The following GNG4 variants were observed in gnomAD, a reference collection of about 807,000 sequenced individuals.
GNG4 encodes the protein guanine nucleotide-binding protein G(I)/G(S)/G(O) subunit gamma-4.
A neutral mutation model predicts 5.8 loss-of-function variants in GNG4; 4 were observed. That is an observed-to-expected ratio of 0.69 (90% confidence interval 0.34 to 1.57). The LOEUF (loss-of-function observed/expected upper bound fraction) is 1.57, where lower values mean the gene tolerates loss of function less well. Ranked by LOEUF, GNG4 falls within the 40% of genes most tolerant of loss-of-function variation. The pLI, the probability that GNG4 is intolerant of heterozygous loss-of-function variation, is 0.06. For missense variants in GNG4, 96 were observed against 95.1 expected (o/e 1.01, Z -0.04); for synonymous variants, 29 against 32.9 (o/e 0.88, Z 0.41).
At chr1:235,612,815 G>C (rs1449717348) in intron 1 of GNG4, among the ~76,000 whole-genome samples, 1 of 152,158 alleles carries the variant, frequency 6.6e-6, no homozygotes, top group Admixed American at 6.5e-5. Flanking sequence ...GAGCCATCAT[G>C]CCCGTCCTGG....
At chr1:235,621,273 TTC>T (rs1389746006) in intron 1 of GNG4, among the ~76,000 whole-genome samples, 1 of 141,944 alleles carries the variant, frequency 7.0e-6, no homozygotes, top group East Asian at 1.9e-4. Context: ...TTTCCTTTTT[TTC>T]TTTTTCTTTT....
intron 1 of GNG4, chr1:235,615,892 C>T (rs1339208583): frequency 3.5e-6 from 1 of 283,678 alleles, no homozygotes; most frequent in African/African-American, 2.3e-5. Flanking sequence ...TCTGCAGGCT[C>T]CCCAGAGTGC....
At chr1:235,569,997 T>C (rs187595618) in intron 3 of GNG4, among the ~76,000 whole-genome samples, 1 of 152,304 alleles carries the variant, frequency 6.6e-6, no homozygotes, top group Non-Finnish European at 1.5e-5. Flanking sequence ...TGTATTTGTG[T>C]CTGTGTCGAT....
intron 1 of GNG4, among the ~76,000 whole-genome samples, chr1:235,599,284 C>T (rs1017065396): frequency 1.3e-5 from 2 of 151,008 alleles, no homozygotes; most frequent in African/African-American, 2.4e-5. Context: ...GTCAAATCTG[C>T]GGGTTTTTTT....
chr1:235,552,328 C>G, intron 3 of GNG4, 91 bp from the exon 4 acceptor site: 1 of 1,174,712 alleles, frequency 8.5e-7, no homozygotes. Context: ...GGGGACAAGC[C>G]CTAGGGTAGG....
chr1:235,560,460 C>T (rs989828707), intron 3 of GNG4, among the ~76,000 whole-genome samples: 1 of 152,150 alleles, frequency 6.6e-6, no homozygotes, highest in Non-Finnish European at 1.5e-5. Context: ...CCAGAGGTAG[C>T]CCTTTCCCAG....
chr1:235,645,858 T>C (rs1657496396), intron 1 of GNG4, among the ~76,000 whole-genome samples: 1 of 151,852 alleles, frequency 6.6e-6, no homozygotes, highest in South Asian at 2.1e-4. Flanking sequence ...TTTTCCTTCT[T>C]CCTATTTTAT....
At chr1:235,613,493 G>A (rs184924461) in intron 1 of GNG4, among the ~76,000 whole-genome samples, 1 of 152,264 alleles carries the variant, frequency 6.6e-6, no homozygotes, top group Admixed American at 6.5e-5. Flanking sequence ...CAATCACAAG[G>A]GGCCTTGTAA....
At chr1:235,593,810 C>G (rs949761157) in intron 2 of GNG4, among the ~76,000 whole-genome samples, 3 of 152,010 alleles carry the variant, frequency 2.0e-5, no homozygotes, top group Non-Finnish European at 2.9e-5. Context: ...GGAGTGAAGC[C>G]GCAGACCTTC....
intron 1 of GNG4, among the ~76,000 whole-genome samples, chr1:235,630,486 G>A (rs1216433922): frequency 1.3e-5 from 2 of 152,192 alleles, no homozygotes; most frequent in Admixed American, 6.5e-5. Flanking sequence ...AGCAACAGCC[G>A]GGTGTTTTGT....
chr1:235,635,979 C>T (rs976713276), intron 1 of GNG4, among the ~76,000 whole-genome samples: 40 of 152,196 alleles, frequency 2.6e-4, no homozygotes, highest in Non-Finnish European at 2.9e-4. Context: ...CTGAAGGTAA[C>T]TTAACCTCCT....
chr1:235,587,224 AGT>A (rs1180800150), intron 2 of GNG4, among the ~76,000 whole-genome samples: 1 of 47,216 alleles, frequency 2.1e-5, no homozygotes, highest in East Asian at 1.4e-3. Flanking sequence ...GGTGTGGGTG[AGT>A]GTGAGTGTGT....
chr1:235,580,028 G>T (rs1417256309), intron 3 of GNG4, among the ~76,000 whole-genome samples: 1 of 152,162 alleles, frequency 6.6e-6, no homozygotes, highest in Non-Finnish European at 1.5e-5. Context: ...TCCATCAATG[G>T]ATGAATGGAT....
In GNG4 at chr1:235,597,588, CTGTGTGTGTG is replaced by C. The variant is rs386417904; in HGVS notation, c.-122-2087_-122-2078del. Among the ~76,000 whole-genome samples, 367 of 74,260 alleles carry C rather than the reference CTGTGTGTGTG, an allele frequency of 4.9e-3. 12 individuals carry two copies. Among genetic ancestry groups the C allele is most frequent in the East Asian group, 7.8e-3 (17 of 2,180 alleles). 48.7% of individuals were successfully genotyped at this position (74,260 alleles called of 152,430 possible). A position where few individuals can be genotyped will look rare whatever the true frequency, so the allele number is the denominator to read the frequency against. ...TTTGTTTTTTTTTTTAACTTGTTTG[CTGTGTGTGTG>C]TGTGTGTGTGTGTGTGTGTGTGTGT... is the stretch of plus-strand genomic sequence containing the variant. On this transcript the variant is annotated intron_variant, in intron 1 of 3. Transcript: ENST00000391854.
At chr1:235,577,502 G>A (rs973227011) in intron 3 of GNG4, among the ~76,000 whole-genome samples, 1 of 151,964 alleles carries the variant, frequency 6.6e-6, no homozygotes, top group African/African-American at 2.4e-5. Flanking sequence ...GTGCAATGGT[G>A]CAATCTCAGC....
chr1:235,614,555 A>T (rs1046905800), intron 1 of GNG4: 2 of 152,352 alleles, frequency 1.3e-5, no homozygotes, highest in African/African-American at 4.8e-5. Context: ...GGGTTCAGGC[A>T]GATGGGTGCC....
intron 1 of GNG4, among the ~76,000 whole-genome samples, chr1:235,636,097 G>A (rs1246054135): frequency 1.3e-5 from 2 of 152,202 alleles, no homozygotes; most frequent in Non-Finnish European, 1.5e-5. Context: ...CCAGACTAGT[G>A]TAGGGAGGAA....
chr1:235,577,300 C>T (rs1260234938), intron 3 of GNG4, among the ~76,000 whole-genome samples: 5 of 152,176 alleles, frequency 3.3e-5, no homozygotes, highest in Non-Finnish European at 5.9e-5. Context: ...GGAGTTGCCA[C>T]GATTCCTACC....
At chr1:235,592,566 C>A (rs1687998001) in intron 2 of GNG4, among the ~76,000 whole-genome samples, 1 of 152,044 alleles carries the variant, frequency 6.6e-6, no homozygotes, top group African/African-American at 2.4e-5. Flanking sequence ...GCCCACAAGC[C>A]AGAGCTAACA....
Sources: allele counts gnomAD v4.1 joint callset (sites outside exome capture counted in the v4.1 genomes callset), GRCh38; gene constraint gnomAD v4.1.1; transcripts MANE v1.5; gene names NCBI Gene and HGNC (gene_info 2026-07-23, HGNC 2026-07-21).